The following NPAS3 variants were observed in gnomAD, a reference collection of about 807,000 sequenced individuals.
The protein encoded by NPAS3 is neuronal PAS domain protein 3, also known as neuronal PAS domain-containing protein 3.
In NPAS3, 14 loss-of-function variants were observed where a neutral mutation model predicts 73.1. The observed-to-expected ratio is 0.19, with a 90% CI of 0.13 to 0.30. The LOEUF is 0.30. NPAS3 is among the 10% of genes least tolerant of loss of function. NPAS3 has a pLI of 1.00. For synonymous variants in NPAS3, 620 were observed against 541.5 expected (o/e 1.14, Z -2.01); for missense variants, 1,096 against 1,250.0 (o/e 0.88, Z 1.86).
chr14:33,413,030 A>G (rs903107698), intron 4 of NPAS3, among the ~76,000 whole-genome samples: 11 of 152,186 alleles, frequency 7.2e-5, no homozygotes, highest in African/African-American at 2.7e-4. Context: ...TTGAAAGCAA[A>G]GGCAGTTCGT....
intron 2 of NPAS3, among the ~76,000 whole-genome samples, chr14:33,198,266 C>A (rs1225712164): frequency 6.6e-6 from 1 of 150,972 alleles, no homozygotes; most frequent in African/African-American, 2.4e-5. Context: ...CAGTTTGCCC[C>A]TGCTGGCTCA....
intron 4 of NPAS3, among the ~76,000 whole-genome samples, chr14:33,415,633 A>T (rs1432455423): frequency 6.6e-6 from 1 of 152,134 alleles, no homozygotes; most frequent in African/African-American, 2.4e-5. Context: ...TAATCAGTGT[A>T]TAAAATGCCT....
intron 9 of NPAS3, among the ~76,000 whole-genome samples, chr14:33,785,600 A>C (rs947904553): frequency 6.6e-6 from 1 of 152,160 alleles, no homozygotes; most frequent in African/African-American, 2.4e-5. Flanking sequence ...ATGATACCTC[A>C]CATATCTCAA....
chr14:33,792,382 G>T (rs1013357072), intron 9 of NPAS3, among the ~76,000 whole-genome samples: 7 of 151,964 alleles, frequency 4.6e-5, no homozygotes, highest in African/African-American at 1.7e-4. Context: ...ATTTTACAAC[G>T]GTCCCGTTAG....
chr14:33,016,194 A>G (rs543464422), intron 1 of NPAS3, among the ~76,000 whole-genome samples: 1 of 152,272 alleles, frequency 6.6e-6, no homozygotes, highest in Non-Finnish European at 1.5e-5. Context: ...GGTCAAGTGA[A>G]GACTGTGTAT....
intron 7 of NPAS3, among the ~76,000 whole-genome samples, chr14:33,759,702 A>G (rs192164285): frequency 1.2e-4 from 18 of 152,342 alleles, no homozygotes; most frequent in African/African-American, 4.3e-4. Flanking sequence ...CTTTATAACT[A>G]TAATGGAAGA....
intron 3 of NPAS3, among the ~76,000 whole-genome samples, chr14:33,341,289 G>C (rs1013568420): frequency 1.3e-5 from 2 of 152,074 alleles, no homozygotes; most frequent in African/African-American, 4.8e-5. Context: ...TTATAACTTG[G>C]CCATAAAAAT....
chr14:33,249,190 G>A (rs896997334), intron 3 of NPAS3, among the ~76,000 whole-genome samples: 3 of 151,934 alleles, frequency 2.0e-5, no homozygotes, highest in Non-Finnish European at 2.9e-5. Flanking sequence ...GTAGGGCAGG[G>A]GATTTAAGAT....
At chr14:33,768,786 C>T (rs930994375) in intron 7 of NPAS3, among the ~76,000 whole-genome samples, 1 of 152,206 alleles carries the variant, frequency 6.6e-6, no homozygotes, top group African/African-American at 2.4e-5. Flanking sequence ...TACCGCCCCC[C>T]ACCAATATTC....
intron 5 of NPAS3, among the ~76,000 whole-genome samples, chr14:33,586,863 T>C (rs1304918591): frequency 6.6e-6 from 1 of 152,182 alleles, no homozygotes; most frequent in African/African-American, 2.4e-5. Context: ...ATCATGCAAC[T>C]CGAGAAATGC....
At chr14:33,068,032 C>G (rs2041340469) in intron 2 of NPAS3, among the ~76,000 whole-genome samples, 1 of 152,164 alleles carries the variant, frequency 6.6e-6, no homozygotes, top group South Asian at 2.1e-4. Context: ...AACTAGTGTT[C>G]TTATCTCCTA....
At chr14:33,702,572 C>T (rs141488757) in intron 6 of NPAS3, among the ~76,000 whole-genome samples, 5 of 152,282 alleles carry the variant, frequency 3.3e-5, no homozygotes, top group Admixed American at 2.6e-4. Context: ...GTTTCATGGT[C>T]GACATGACTT....
chr14:33,135,805 G>A (rs1190843373), intron 2 of NPAS3, among the ~76,000 whole-genome samples: 1 of 152,176 alleles, frequency 6.6e-6, no homozygotes, highest in Admixed American at 6.5e-5. Flanking sequence ...AAATGAATGA[G>A]CTCAGCCAGT....
intron 1 of NPAS3, among the ~76,000 whole-genome samples, chr14:33,004,817 CTTTTTT>C: frequency 1.9e-4 from 12 of 63,998 alleles, no homozygotes; most frequent in Non-Finnish European, 3.5e-4. Flanking sequence ...AAAAGTTTTC[CTTTTTT>C]TTTTTTTTTT....
intron 2 of NPAS3, among the ~76,000 whole-genome samples, chr14:33,115,375 A>G (rs1734638604): frequency 6.6e-6 from 1 of 152,160 alleles, no homozygotes; most frequent in Non-Finnish European, 1.5e-5. Context: ...GTGGAGAAAG[A>G]GAGGTCATGT....
chr14:33,162,815 G>C (rs1013646220), intron 2 of NPAS3, among the ~76,000 whole-genome samples: 1 of 152,182 alleles, frequency 6.6e-6, no homozygotes, highest in African/African-American at 2.4e-5. Flanking sequence ...TTTTTCAAAA[G>C]TTTGCTCTGA....
At chr14:33,382,553 C>A (rs973388164) in intron 4 of NPAS3, among the ~76,000 whole-genome samples, 1 of 152,040 alleles carries the variant, frequency 6.6e-6, no homozygotes, top group Non-Finnish European at 1.5e-5. Context: ...AAAATACAGA[C>A]CCTGTTTATT....
chr14:33,026,950 C>G (rs970136712), intron 1 of NPAS3, among the ~76,000 whole-genome samples: 3 of 152,074 alleles, frequency 2.0e-5, no homozygotes, highest in African/African-American at 7.2e-5. Context: ...AAGGCTTAAT[C>G]CTCTGTAGCT....
chr14:33,146,529 G>A (rs544869093), intron 2 of NPAS3, among the ~76,000 whole-genome samples: 21 of 152,280 alleles, frequency 1.4e-4, no homozygotes, highest in South Asian at 2.1e-4. Context: ...CATGCTAGGC[G>A]CTGGAGGCTC....
Sources: allele counts gnomAD v4.1 joint callset (sites outside exome capture counted in the v4.1 genomes callset), GRCh38; gene constraint gnomAD v4.1.1; transcripts MANE v1.5; gene names NCBI Gene and HGNC (gene_info 2026-07-23, HGNC 2026-07-21).